The following AP4S1 variants were observed in gnomAD, a reference collection of about 807,000 sequenced individuals.
The protein encoded by AP4S1 is AP-4 complex subunit sigma-1.
In AP4S1, 23 loss-of-function variants were observed where a neutral mutation model predicts 19.8. The ratio of observed to expected loss-of-function variants is 1.16; its 90% CI spans 0.84 to 1.65. The LOEUF (loss-of-function observed/expected upper bound fraction) is 1.65. Among genes scored for constraint, AP4S1 ranks in the 40% most tolerant of loss-of-function variants. The pLI, the probability that AP4S1 is intolerant of heterozygous loss-of-function variation, is 0.00. For synonymous variants in AP4S1, 46 were observed against 54.1 expected (o/e 0.85, Z 0.66); for missense variants, 166 against 172.8 (o/e 0.96, Z 0.22).
At chr14:31,031,852 C>T (rs943823450) in intron 1 of AP4S1, among the ~76,000 whole-genome samples, 1 of 152,174 alleles carries the variant, frequency 6.6e-6, no homozygotes, top group Non-Finnish European at 1.5e-5. Context: ...CCCATAGATT[C>T]TCCCAGTTTC....
intron 1 of AP4S1, among the ~76,000 whole-genome samples, chr14:31,034,431 A>G (rs560239100): frequency 2.0e-5 from 3 of 152,102 alleles, no homozygotes; most frequent in African/African-American, 7.2e-5. Flanking sequence ...TTGGATATTT[A>G]AAATTGTGTT....
intron 3 of AP4S1, 29 bp from the exon 4 acceptor site, chr14:31,072,876 T>TTGATTGTA (rs1335474099): frequency 6.3e-7 from 1 of 1,583,024 alleles, no homozygotes; most frequent in Non-Finnish European, 8.7e-7. Flanking sequence ...GACACTAAAA[T>TTGATTGTA]TGATTGTACC....
intron 1 of AP4S1, among the ~76,000 whole-genome samples, chr14:31,035,379 G>A (rs1169187158): frequency 1.0e-5 from 1 of 97,256 alleles, no homozygotes; most frequent in African/African-American, 4.6e-5. Flanking sequence ...ATTTTTAGTA[G>A]AGATGGGGTT....
intron 1 of AP4S1, 32 bp downstream of exon 1, chr14:31,025,819 C>A: frequency 6.6e-7 from 1 of 1,525,108 alleles, no homozygotes; most frequent in South Asian, 1.2e-5. Flanking sequence ...AAGGCGCCGG[C>A]TCCGGCTGAG....
At chr14:31,074,126 A>T (rs1019201138) in intron 4 of AP4S1, among the ~76,000 whole-genome samples, 1 of 151,386 alleles carries the variant, frequency 6.6e-6, no homozygotes, top group African/African-American at 2.4e-5. Context: ...GGAGTTGAAG[A>T]CCAGGCTGGC....
At chr14:31,090,457 G>C (rs1409869972) in intron 5 of AP4S1, among the ~76,000 whole-genome samples, 1 of 152,192 alleles carries the variant, frequency 6.6e-6, no homozygotes, top group African/African-American at 2.4e-5. Flanking sequence ...ATTGTTTCTA[G>C]CTCATGTCAG....
rs1566552787 is a variant in AP4S1 at position 31,096,431 on chromosome 14, T to C, written c.*3396T>C. On this transcript the variant is annotated 3_prime_UTR_variant, in exon 6 of 6. Transcript: ENST00000542754. ...AACAGAAAATTCCAGAAATAAACAA[T>C]GTATAAGTTTTAAACTGCATGCCAT... 6.6e-6 allele frequency: 1 copy of C among 152,158 alleles called. No individual in the cohort carries two copies. Among genetic ancestry groups the C allele is most frequent in the Non-Finnish European group, 1.5e-5 (1 of 68,038 alleles). The allele number at this position is 152,158 out of a possible 1,614,324, so 9.4% of individuals were successfully genotyped here.
intron 5 of AP4S1, 147 bp downstream of exon 5, chr14:31,080,731 T>A: frequency 8.6e-7 from 1 of 1,164,124 alleles, no homozygotes; most frequent in Non-Finnish European, 1.3e-6. Context: ...GAGGTGTGTG[T>A]GTTCTGCAGA....
intron 4 of AP4S1, among the ~76,000 whole-genome samples, chr14:31,075,761 C>T (rs1194688584): frequency 1.1e-4 from 15 of 135,646 alleles, no homozygotes; most frequent in East Asian, 4.2e-4. Flanking sequence ...TTTTTTGAGA[C>T]GGAGTGTCGC....
intron 4 of AP4S1, among the ~76,000 whole-genome samples, chr14:31,074,365 A>T (rs149808428): frequency 1.9e-3 from 164 of 87,960 alleles, no homozygotes; most frequent in Middle Eastern, 0.022. Flanking sequence ...ATAAATAAAT[A>T]AAGTAAGCTG....
intron 4 of AP4S1, among the ~76,000 whole-genome samples, chr14:31,073,345 C>T (rs1478725964): frequency 8.6e-5 from 12 of 139,402 alleles, no homozygotes; most frequent in East Asian, 2.2e-4. Context: ...AAAAAATTAG[C>T]TGGGCGTGGT....
intron 1 of AP4S1, 121 bp from the exon 2 acceptor site, chr14:31,066,005 C>T (rs1469274892): frequency 1.8e-6 from 1 of 547,424 alleles, no homozygotes; most frequent in Non-Finnish European, 3.2e-6. Context: ...GGAATAAAGA[C>T]TGATATTATC....
At chr14:31,077,837 G>GT (rs1887447196) in intron 4 of AP4S1, among the ~76,000 whole-genome samples, 2 of 150,014 alleles carry the variant, frequency 1.3e-5, no homozygotes, top group African/African-American at 4.9e-5. Context: ...CCTTGTTCAA[G>GT]CAATTCTCCC....
chr14:31,043,464 A>G (rs547922395), intron 1 of AP4S1, among the ~76,000 whole-genome samples: 2 of 152,260 alleles, frequency 1.3e-5, no homozygotes, highest in African/African-American at 4.8e-5. Context: ...AGGTTTCTTG[A>G]AGTCAAATTT....
At chr14:31,026,701 G>A (rs1883995372) in intron 1 of AP4S1, 1 of 152,768 alleles carries the variant, frequency 6.5e-6, no homozygotes, top group African/African-American at 2.4e-5. Flanking sequence ...GGCGGCCTTA[G>A]GCTTCCTGGT....
chr14:31,087,047 C>G, intron 5 of AP4S1, among the ~76,000 whole-genome samples: 1 of 152,018 alleles, frequency 6.6e-6, no homozygotes. Context: ...CATGCACCAC[C>G]ACACCCAGCT....
At chr14:31,073,446 C>CGT (rs1887165359) in intron 4 of AP4S1, among the ~76,000 whole-genome samples, 1 of 138,392 alleles carries the variant, frequency 7.2e-6, no homozygotes, top group Non-Finnish European at 1.6e-5. Context: ...GCCGAGATCC[C>CGT]GCCACTGCAC....
intron 5 of AP4S1, among the ~76,000 whole-genome samples, chr14:31,091,501 A>T (rs1888074938): frequency 6.6e-6 from 1 of 151,500 alleles, no homozygotes; most frequent in Non-Finnish European, 1.5e-5. Flanking sequence ...GAAAGACAGT[A>T]TTAATAGGTA....
chr14:31,090,916 C>G (rs1020267363), intron 5 of AP4S1, among the ~76,000 whole-genome samples: 1 of 152,238 alleles, frequency 6.6e-6, no homozygotes, highest in Admixed American at 6.5e-5. Flanking sequence ...GAGTTTGAGT[C>G]AGATACACAG....
Sources: allele counts gnomAD v4.1 joint callset (sites outside exome capture counted in the v4.1 genomes callset), GRCh38; gene constraint gnomAD v4.1.1; transcripts MANE v1.5; gene names NCBI Gene and HGNC (gene_info 2026-07-23, HGNC 2026-07-21).